The following FARP2 variants were observed in gnomAD, a reference collection of about 807,000 sequenced individuals.
FARP2 encodes the protein FERM, ARHGEF and pleckstrin domain-containing protein 2.
Under a neutral mutation model 130.5 loss-of-function variants are expected in FARP2, and 111 were observed. The ratio of observed to expected loss-of-function variants is 0.85; its 90% CI spans 0.73 to 1.00. FARP2 has a LOEUF of 1.00. Among genes scored for constraint, FARP2 ranks in the 50% least tolerant of loss-of-function variants. The pLI is 0.00. For synonymous variants in FARP2, 504 were observed against 516.9 expected (o/e 0.98, Z 0.34); for missense variants, 1,385 against 1,346.3 (o/e 1.03, Z -0.45).
At position 241,431,671 on chromosome 2, in the gene FARP2, C is replaced by T; in HGVS notation, c.772-8C>T. On this transcript the variant is annotated splice_polypyrimidine_tract_variant and splice_region_variant and intron_variant, in intron 8 of 26. Transcript: ENST00000264042. Reference sequence around the variant, plus strand: ...ACAAATGTAATCTGTCTGTCTCTTGCATTTCAGGGCACCACCAAAATCAAC... The same window carrying T: ...ACAAATGTAATCTGTCTGTCTCTTGTATTTCAGGGCACCACCAAAATCAAC... The T allele has an allele frequency of 6.8e-7, 1 of 1,470,140 alleles. No individual in the cohort carries two copies. The highest frequency in any genetic ancestry group is 1.7e-5 in the Admixed American group (1 of 57,500). The allele number at this position is 1,470,140 out of a possible 1,614,324, so 91.1% of individuals were successfully genotyped here.
chr2:241,435,442 C>G (rs1574819679), intron 11 of FARP2, among the ~76,000 whole-genome samples: 1 of 151,652 alleles, frequency 6.6e-6, no homozygotes, highest in Non-Finnish European at 1.5e-5. Context: ...CTGAAAGTCA[C>G]TTCAAATACA....
chr2:241,465,569 A>G (rs1353030376), intron 17 of FARP2: 6 of 1,550,474 alleles, frequency 3.9e-6, no homozygotes, highest in South Asian at 3.6e-5. Context: ...AATAGGAGCA[A>G]CGGTACAGGT....
At chr2:241,483,852 G>A (rs138508475) in intron 20 of FARP2, 219 of 985,346 alleles carry the variant, frequency 2.2e-4, no homozygotes, top group Non-Finnish European at 2.3e-4. Flanking sequence ...AGGTGCTACT[G>A]ATGGCCCAAT....
At chr2:241,448,047 C>T (rs1286916073) in intron 13 of FARP2, among the ~76,000 whole-genome samples, 1 of 152,172 alleles carries the variant, frequency 6.6e-6, no homozygotes, top group African/African-American at 2.4e-5. Flanking sequence ...ACCTGCCACA[C>T]CAGAGCAGAG....
intron 19 of FARP2, among the ~76,000 whole-genome samples, chr2:241,480,558 T>G (rs2064588498): frequency 6.6e-6 from 1 of 151,882 alleles, no homozygotes; most frequent in African/African-American, 2.4e-5. Context: ...TTAAAGATAT[T>G]AAGACAATTC....
At position 241,461,963 on chromosome 2, in the gene FARP2, G is replaced by C. The variant is rs1220455330; in HGVS notation, c.1588-560G>C. Among the ~76,000 whole-genome samples the C allele has an allele frequency of 4.6e-5, 7 of 152,202 alleles. No homozygotes were observed. The East Asian group carries it at 1.4e-3, about 29-fold the overall frequency. ...GGGTGAGGTGTAGAGGGTCCCCTAT[G>C]GCCAGCTTGCCTGCTTGGCACCAGC... On this transcript the variant is annotated intron_variant, in intron 14 of 26. Transcript: ENST00000264042.
intron 1 of FARP2, among the ~76,000 whole-genome samples, chr2:241,365,995 A>G (rs1345674636): frequency 6.2e-5 from 9 of 146,078 alleles, no homozygotes; most frequent in Non-Finnish European, 1.2e-4. Context: ...TTTAATATAA[A>G]CAAATACATA....
chr2:241,372,027 AAAT>A (rs1482107671), intron 1 of FARP2, among the ~76,000 whole-genome samples: 1 of 152,256 alleles, frequency 6.6e-6, no homozygotes, highest in African/African-American at 2.4e-5. Context: ...CTGTTTTAAA[AAAT>A]ATATACCCAA....
intron 13 of FARP2, among the ~76,000 whole-genome samples, chr2:241,455,735 CTTTT>C (rs1180839402): frequency 2.1e-5 from 2 of 94,778 alleles, no homozygotes; most frequent in African/African-American, 7.7e-5. Context: ...CTAAAGTTTT[CTTTT>C]TTTTTTTTTT....
intron 1 of FARP2, among the ~76,000 whole-genome samples, chr2:241,356,843 T>C (rs938653088): frequency 3.3e-5 from 5 of 152,254 alleles, no homozygotes; most frequent in African/African-American, 7.2e-5. Flanking sequence ...TGGAGGTGCC[T>C]GGTGGAGGCA....
rs1200007519 is a variant in FARP2, at chr2:241,474,099, G to T, written c.2132-1758G>T. Among the ~76,000 whole-genome samples the T allele has an allele frequency of 2.0e-5, 3 of 151,932 alleles. No homozygotes were observed. In the East Asian group the frequency reaches 5.8e-4, roughly 30 times the overall value. On this transcript the variant is annotated intron_variant, in intron 18 of 26. Transcript: ENST00000264042. ...AGGCTGGCAGATCACGAGGTCAGGA[G>T]ATCGAGACCATCCTGGCTAACACAG...
intron 17 of FARP2, chr2:241,466,460 A>T (rs1455111090): frequency 1.0e-6 from 1 of 985,260 alleles, no homozygotes; most frequent in East Asian, 1.1e-4. Flanking sequence ...CAGGCCGGGG[A>T]CCAGCAGACT....
intron 1 of FARP2, among the ~76,000 whole-genome samples, chr2:241,360,673 CAAA>C (rs57878067): frequency 3.3e-5 from 3 of 91,854 alleles, no homozygotes; most frequent in Non-Finnish European, 4.7e-5. Flanking sequence ...GACTCTGTCT[CAAA>C]AAAAAAAAAA....
At position 241,413,360 on chromosome 2, in the gene FARP2, G is replaced by T. The variant is rs185331144; in HGVS notation, c.562G>T (p.Glu188Ter). ...GGACCGAGAGCACCTCAAAGTGAAC[G>T]AGTATTTGCCTGGCCAGCAGCACTG... ...TLDREHLKVNEYLPGQQHCLE... is the reference protein window; with the variant it reads ...TLDREHLKVN The change falls in exon 7 of 27, where the codon GAG (glutamate) becomes TAG (stop). Residue 188 changes from glutamate to a stop codon, truncating the protein, a stop_gained. Coordinates refer to ENST00000264042, the MANE Select transcript of FARP2 (RefSeq NM_014808.4). LOFTEE classifies it high-confidence loss of function. The T allele has an allele frequency of 1.2e-6, 2 of 1,612,642 alleles. No homozygotes were observed. The highest frequency in any genetic ancestry group is 1.1e-5 in the South Asian group (1 of 90,426).
chr2:241,377,623 G>A (rs762646979), intron 2 of FARP2, among the ~76,000 whole-genome samples: 4 of 152,170 alleles, frequency 2.6e-5, no homozygotes, highest in African/African-American at 9.7e-5. Flanking sequence ...GATTACAGGC[G>A]TGAGCCACTG....
intron 13 of FARP2, among the ~76,000 whole-genome samples, chr2:241,452,138 T>A (rs565876373): frequency 5.3e-4 from 81 of 152,376 alleles, no homozygotes; most frequent in African/African-American, 1.8e-3. Context: ...AGTGTCCTTT[T>A]ATGATATCCA....
chr2:241,384,403 A>G (rs887248461), intron 2 of FARP2, among the ~76,000 whole-genome samples: 1 of 152,180 alleles, frequency 6.6e-6, no homozygotes, highest in East Asian at 1.9e-4. Flanking sequence ...GGAAAGTCAG[A>G]AAGATATTCT....
intron 18 of FARP2, among the ~76,000 whole-genome samples, chr2:241,471,638 C>T (rs1451345320): frequency 6.6e-6 from 1 of 151,748 alleles, no homozygotes; most frequent in Non-Finnish European, 1.5e-5. Context: ...GGACGACAGG[C>T]GCCCGACACC....
intron 12 of FARP2, among the ~76,000 whole-genome samples, chr2:241,441,089 G>T (rs529613990): frequency 6.6e-6 from 1 of 152,122 alleles, no homozygotes; most frequent in African/African-American, 2.4e-5. Flanking sequence ...AAATGGAATT[G>T]TAAGGGTTTG....
Sources: gnomAD v4.1 joint callset for allele counts (sites outside exome capture counted in the v4.1 genomes callset) on GRCh38, gnomAD v4.1.1 for gene constraint, MANE v1.5 for transcripts, NCBI Gene and HGNC (gene_info 2026-07-23, HGNC 2026-07-21) for gene names.